The following TYW1B variants were observed in gnomAD, a reference collection of about 807,000 sequenced individuals.
The protein encoded by TYW1B is tRNA-yW synthesizing protein 1 homolog B.
A neutral mutation model predicts 86.9 loss-of-function variants in TYW1B; 73 were observed. That is an observed-to-expected ratio of 0.84 (90% CI 0.70 to 1.02). The LOEUF (loss-of-function observed/expected upper bound fraction) is 1.02, where lower values mean the gene tolerates loss of function less well. Among genes scored for constraint, TYW1B ranks in the 50% least tolerant of loss-of-function variants. TYW1B has a pLI of 0.00. For synonymous variants in TYW1B, 248 were observed against 292.8 expected, an observed-to-expected ratio of 0.85 and a Z score of 1.56; for missense variants, 637 against 827.4, an observed-to-expected ratio of 0.77 and a Z score of 2.82.
At chr7:72,820,674 A>G (rs1278486475) in intron 2 of TYW1B, among the ~76,000 whole-genome samples, 1 of 152,042 alleles carries the variant, frequency 6.6e-6, no homozygotes, top group Admixed American at 6.6e-5. Context: ...GGGAACTAAG[A>G]CAGCAAGAAC....
At chr7:72,596,606 C>CTAGA (rs1389338373) in intron 13 of TYW1B, among the ~76,000 whole-genome samples, 2 of 152,172 alleles carry the variant, frequency 1.3e-5, no homozygotes, top group Non-Finnish European at 2.9e-5. Flanking sequence ...GGACCCTTAT[C>CTAGA]TAACACCATA....
chr7:72,719,395 C>T (rs1786850423), intron 9 of TYW1B, among the ~76,000 whole-genome samples: 1 of 151,892 alleles, frequency 6.6e-6, no homozygotes, highest in Admixed American at 6.6e-5. Context: ...CTTTGGGAGG[C>T]TGAGGCGGGT....
intron 11 of TYW1B, among the ~76,000 whole-genome samples, chr7:72,672,130 T>C (rs1438434199): frequency 1.3e-5 from 2 of 152,068 alleles, no homozygotes; most frequent in Non-Finnish European, 2.9e-5. Flanking sequence ...AAAGTGGGGT[T>C]CCCCTGCACA....
intron 6 of TYW1B, among the ~76,000 whole-genome samples, chr7:72,779,097 C>T (rs1788004498): frequency 6.6e-6 from 1 of 152,048 alleles, no homozygotes; most frequent in Non-Finnish European, 1.5e-5. Context: ...TTCACAATAA[C>T]TCATCCAGGC....
intron 12 of TYW1B, among the ~76,000 whole-genome samples, chr7:72,626,783 C>G (rs1472997074): frequency 6.6e-6 from 1 of 152,014 alleles, no homozygotes; most frequent in South Asian, 2.1e-4. Flanking sequence ...CCATCTCTTG[C>G]TTGGACTAAC....
chr7:72,668,171 G>A (rs1554445675), intron 11 of TYW1B, among the ~76,000 whole-genome samples: 3 of 152,104 alleles, frequency 2.0e-5, no homozygotes, highest in Non-Finnish European at 1.5e-5. Flanking sequence ...AATACAAATT[G>A]TTTTTCTGTA....
At chr7:72,745,851 GGTGTGTGTGTGT>G (rs1162824267) in intron 7 of TYW1B, among the ~76,000 whole-genome samples, 11 of 75,068 alleles carry the variant, frequency 1.5e-4, no homozygotes, top group East Asian at 2.6e-4. Flanking sequence ...CGTGTATAGG[GGTGTGTGTGTGT>G]GTGTGTGTGT....
At position 72,628,942 on chromosome 7, in the gene TYW1B, A is replaced by C. The variant is rs781952818; in HGVS notation, c.1562T>G (p.Leu521Arg). Residue 521 changes from leucine (L) to arginine (R), a missense_variant, in exon 12 of 14, where the codon CTC (leucine) becomes CGC (arginine). Leu to Arg is a moderately radical substitution (Grantham distance 102). Transcript: ENST00000620995. ...MLVKAWNVDE[L>R]QAYAQLVSLG... ...GGACACGAGCTGCGCGTAGGCCTGG[A>C]GCTCGTCCACGTTCCATGCTTTCAC... is the stretch of plus-strand genomic sequence containing the variant. 8 of 1,594,078 alleles carry C rather than the reference A, an allele frequency of 5.0e-6. No individual in the cohort carries two copies. The highest frequency in any genetic ancestry group is 6.8e-6 in the Non-Finnish European group (8 of 1,171,478).
intron 9 of TYW1B, among the ~76,000 whole-genome samples, chr7:72,723,536 G>A (rs1585931119): frequency 6.6e-6 from 1 of 152,260 alleles, no homozygotes; most frequent in South Asian, 2.1e-4. Flanking sequence ...GGAGACTGAG[G>A]CTGAAGGATT....
At position 72,633,315 on chromosome 7, in the gene TYW1B, G is replaced by T. The variant is rs138737660; in HGVS notation, c.1507-4318C>A. Among the ~76,000 whole-genome samples, 896 of 152,302 alleles carry T rather than the reference G, an allele frequency of 5.9e-3. 5 individuals carry two copies. Among genetic ancestry groups the T allele is most frequent in the African/African-American group, 0.02 (852 of 41,572 alleles). ...CAAGGAGCTGTACCCTTCAATAAAA[G>T]ATTCCCGTCTAACACCACTGGCTTG... On this transcript the variant is annotated intron_variant, in intron 11 of 13. Coordinates refer to ENST00000620995, the MANE Select transcript of TYW1B (RefSeq NM_001145440.3).
intron 10 of TYW1B, among the ~76,000 whole-genome samples, chr7:72,699,498 C>T (rs1814406485): frequency 6.6e-6 from 1 of 152,134 alleles, no homozygotes; most frequent in Non-Finnish European, 1.5e-5. Context: ...CTCCCCTGTG[C>T]CTCCCACTTA....
At chr7:72,719,043 A>C (rs1786842863) in intron 9 of TYW1B, among the ~76,000 whole-genome samples, 1 of 152,228 alleles carries the variant, frequency 6.6e-6, no homozygotes, top group Non-Finnish European at 1.5e-5. Flanking sequence ...TAAATGAAAT[A>C]AGCTACATGA....
chr7:72,728,311 T>C (rs1787042361), intron 9 of TYW1B, among the ~76,000 whole-genome samples: 1 of 152,192 alleles, frequency 6.6e-6, no homozygotes, highest in African/African-American at 2.4e-5. Flanking sequence ...TTTTTATTTA[T>C]TTATTTATTT....
intron 11 of TYW1B, among the ~76,000 whole-genome samples, chr7:72,646,163 T>A (rs1812924688): frequency 6.6e-6 from 1 of 151,778 alleles, no homozygotes; most frequent in African/African-American, 2.4e-5. Context: ...CAAAAGATTC[T>A]CCTACCTCAG....
chr7:72,592,715 C>A (rs1811424778), intron 13 of TYW1B, among the ~76,000 whole-genome samples: 1 of 152,076 alleles, frequency 6.6e-6, no homozygotes, highest in Admixed American at 6.5e-5. Flanking sequence ...GTATTCCATG[C>A]AAACAGTAAC....
At chr7:72,777,558 T>A in intron 6 of TYW1B, 25 bp from the exon 7 acceptor site, 1 of 1,613,058 alleles carries the variant, frequency 6.2e-7, no homozygotes, top group South Asian at 1.1e-5. Flanking sequence ...AAGAATGAAA[T>A]CCAGAATTGG....
chr7:72,648,638 G>C (rs1331722287), intron 11 of TYW1B, among the ~76,000 whole-genome samples: 2 of 151,938 alleles, frequency 1.3e-5, no homozygotes, highest in Non-Finnish European at 2.9e-5. Context: ...AACCTAAGAA[G>C]ATCATGCACA....
At chr7:72,773,843 T>C (rs1787906413) in intron 7 of TYW1B, among the ~76,000 whole-genome samples, 2 of 151,864 alleles carry the variant, frequency 1.3e-5, no homozygotes, top group South Asian at 4.2e-4. Context: ...GGCGGGTGGA[T>C]CACCTGAGGT....
chr7:72,710,774 C>T (rs1368546101), intron 10 of TYW1B, among the ~76,000 whole-genome samples: 1 of 152,134 alleles, frequency 6.6e-6, no homozygotes, highest in African/African-American at 2.4e-5. Flanking sequence ...TGCCACTGCA[C>T]TCCAGCCTGG....
Sources: allele counts gnomAD v4.1 joint callset (sites outside exome capture counted in the v4.1 genomes callset), GRCh38; gene constraint gnomAD v4.1.1; transcripts MANE v1.5; gene names NCBI Gene and HGNC (gene_info 2026-07-23, HGNC 2026-07-21).